The following CDH13 variants were observed in gnomAD, a reference collection of about 807,000 sequenced individuals.
The protein encoded by CDH13 is cadherin-13.
A neutral mutation model predicts 63.8 loss-of-function variants in CDH13; 24 were observed. The observed-to-expected ratio is 0.38, with a 90% CI of 0.27 to 0.53. The LOEUF is 0.53. CDH13 is among the 20% of genes least tolerant of loss of function. The pLI is 0.85. For missense variants in CDH13, 1,049 were observed against 903.1 expected (o/e 1.16, Z -2.07); for synonymous variants, 503 against 355.3 (o/e 1.42, Z -4.67).
chr16:83,380,863 A>C (rs1275636788), intron 6 of CDH13, among the ~76,000 whole-genome samples: 1 of 151,920 alleles, frequency 6.6e-6, no homozygotes, highest in Non-Finnish European at 1.5e-5. Context: ...ATTAAGGAAA[A>C]AGAGAAGAGT....
intron 1 of CDH13, among the ~76,000 whole-genome samples, chr16:82,840,402 G>T (rs1047463992): frequency 4.7e-5 from 7 of 149,078 alleles, no homozygotes; most frequent in African/African-American, 1.7e-4. Flanking sequence ...AAAAAACTTG[G>T]CCGGGTGCAG....
chr16:83,784,435 C>T (rs1915742287), intron 13 of CDH13, among the ~76,000 whole-genome samples: 1 of 152,068 alleles, frequency 6.6e-6, no homozygotes, highest in African/African-American at 2.4e-5. Flanking sequence ...AGTTCAAGAC[C>T]AGTCTGGCCA....
chr16:83,461,801 T>C (rs547208339), intron 6 of CDH13, among the ~76,000 whole-genome samples: 1 of 152,174 alleles, frequency 6.6e-6, no homozygotes, highest in Admixed American at 6.5e-5. Context: ...CGGAGGGGAA[T>C]GTATAAGAGC....
At chr16:83,384,515 G>T (rs993341894) in intron 6 of CDH13, among the ~76,000 whole-genome samples, 5 of 152,246 alleles carry the variant, frequency 3.3e-5, no homozygotes, top group African/African-American at 1.2e-4. Flanking sequence ...AACACCTTGA[G>T]CTGCCCCAAG....
chr16:83,712,343 C>A (rs1266991058), intron 10 of CDH13, among the ~76,000 whole-genome samples: 2 of 152,208 alleles, frequency 1.3e-5, no homozygotes, highest in Admixed American at 6.5e-5. Flanking sequence ...CAGGTCTAGG[C>A]ACACCTGGTT....
chr16:83,214,220 C>A (rs1221998245), intron 4 of CDH13, among the ~76,000 whole-genome samples: 1 of 152,006 alleles, frequency 6.6e-6, no homozygotes, highest in Non-Finnish European at 1.5e-5. Flanking sequence ...TTGGTGACCC[C>A]TTCCCACGCA....
intron 7 of CDH13, among the ~76,000 whole-genome samples, chr16:83,523,686 G>A (rs577562515): frequency 3.3e-5 from 5 of 152,128 alleles, no homozygotes; most frequent in Non-Finnish European, 5.9e-5. Context: ...TCTTCCTAGC[G>A]CTCAGATTCC....
chr16:82,694,671 G>A lies in CDH13; in HGVS notation c.45+67534G>A, dbSNP rs9972823. On this transcript the variant is annotated intron_variant, in intron 1 of 13. Coordinates refer to ENST00000567109, the MANE Select transcript of CDH13 (RefSeq NM_001257.5). ...TGTTACCAAAATATTTCCCTTTTCT[G>A]ACAACATTCCAAATATAAATAAGGA... is the stretch of plus-strand genomic sequence containing the variant. 4.0e-3 allele frequency among the ~76,000 whole-genome samples: 611 copies of A among 152,006 alleles called. 4 individuals are homozygous for A. Among genetic ancestry groups the A allele is most frequent in the African/African-American group, 0.014 (574 of 41,432 alleles).
chr16:83,770,912 G>A (rs1040315183), intron 11 of CDH13, among the ~76,000 whole-genome samples: 36 of 152,118 alleles, frequency 2.4e-4, no homozygotes, highest in African/African-American at 8.2e-4. Flanking sequence ...ACCTGGGAAG[G>A]CAGCCCAGTA....
intron 1 of CDH13, among the ~76,000 whole-genome samples, chr16:82,854,096 C>A (rs1199654371): frequency 6.6e-6 from 1 of 152,042 alleles, no homozygotes; most frequent in Non-Finnish European, 1.5e-5. Flanking sequence ...GTTTTGAATT[C>A]TCTTAAGAAA....
At chr16:83,124,132 G>T (rs200004124) in intron 3 of CDH13, among the ~76,000 whole-genome samples, 25 of 151,996 alleles carry the variant, frequency 1.6e-4, no homozygotes, top group Admixed American at 1.6e-3. Flanking sequence ...TGCACTGTCC[G>T]CCTCCTGGGT....
chr16:83,316,796 C>T (rs890926111), intron 5 of CDH13, among the ~76,000 whole-genome samples: 1 of 152,180 alleles, frequency 6.6e-6, no homozygotes, highest in East Asian at 1.9e-4. Context: ...AAACAAACAA[C>T]TTCAAAATCA....
At chr16:83,076,315 A>C (rs2032831184) in intron 3 of CDH13, among the ~76,000 whole-genome samples, 1 of 152,182 alleles carries the variant, frequency 6.6e-6, no homozygotes, top group Non-Finnish European at 1.5e-5. Flanking sequence ...CCTCATTTCT[A>C]AGTATTGTAA....
chr16:83,709,000 G>A (rs910061596), intron 10 of CDH13, among the ~76,000 whole-genome samples: 2 of 151,940 alleles, frequency 1.3e-5, no homozygotes, highest in Non-Finnish European at 2.9e-5. Flanking sequence ...CTCTAGTCTG[G>A]GCAACAGAGC....
chr16:82,656,519 T>A (rs1911313950), intron 1 of CDH13, among the ~76,000 whole-genome samples: 1 of 152,222 alleles, frequency 6.6e-6, no homozygotes, highest in Non-Finnish European at 1.5e-5. Flanking sequence ...TGTCCCACTA[T>A]CAACATCCCA....
At chr16:83,085,552 G>C in intron 3 of CDH13, among the ~76,000 whole-genome samples, 1 of 152,210 alleles carries the variant, frequency 6.6e-6, no homozygotes, top group Non-Finnish European at 1.5e-5. Flanking sequence ...AAAACCACTA[G>C]AAGTCTACTG....
chr16:83,789,729 G>A (rs1916132426), intron 13 of CDH13, among the ~76,000 whole-genome samples: 1 of 152,136 alleles, frequency 6.6e-6, no homozygotes, highest in Non-Finnish European at 1.5e-5. Context: ...AAATCAGCTG[G>A]TAGAATCTCT....
intron 8 of CDH13, among the ~76,000 whole-genome samples, chr16:83,646,881 C>A (rs1034812553): frequency 1.9e-4 from 29 of 152,076 alleles, no homozygotes; most frequent in African/African-American, 6.0e-4. Context: ...GGCAACTCCC[C>A]CCTTTCCCCT....
intron 1 of CDH13, chr16:82,823,601 A>G (rs1464570807): frequency 2.0e-5 from 3 of 152,240 alleles, no homozygotes; most frequent in Non-Finnish European, 4.4e-5. Flanking sequence ...ATTAAAGACA[A>G]TTGAAAACCA....
Sources: allele counts gnomAD v4.1 joint callset (sites outside exome capture counted in the v4.1 genomes callset), GRCh38; gene constraint gnomAD v4.1.1; transcripts MANE v1.5; gene names NCBI Gene and HGNC (gene_info 2026-07-23, HGNC 2026-07-21).